LHFPL2: variants seen among roughly 807,000 people sequenced by gnomAD.
The protein encoded by LHFPL2 is LHFPL tetraspan subfamily member 2 protein.
In LHFPL2, 7 loss-of-function variants were observed where a neutral mutation model predicts 17.5. The ratio of observed to expected loss-of-function variants is 0.40; its 90% confidence interval spans 0.23 to 0.75. The LOEUF (loss-of-function observed/expected upper bound fraction) is 0.75. Among genes scored for constraint, LHFPL2 ranks in the 30% least tolerant of loss-of-function variants. LHFPL2 has a pLI of 0.37. For missense variants in LHFPL2, 241 were observed against 294.8 expected (o/e 0.82, Z 1.34); for synonymous variants, 134 against 116.2 (o/e 1.15, Z -0.99).
intron 4 of LHFPL2, among the ~76,000 whole-genome samples, chr5:78,495,655 A>T (rs896803771): frequency 2.0e-5 from 3 of 152,172 alleles, no homozygotes; most frequent in African/African-American, 7.2e-5. Context: ...CACCTTTACT[A>T]AGTCGAAATC....
At chr5:78,514,522 G>C (rs149006691) in intron 3 of LHFPL2, among the ~76,000 whole-genome samples, 561 of 152,298 alleles carry the variant, frequency 3.7e-3, no homozygotes, top group Non-Finnish European at 5.3e-3. Flanking sequence ...GTCCTCAGTA[G>C]AGCTGAGCCG....
rs993133298 is a variant in LHFPL2, at chr5:78,524,576, C to T, written c.-185-14178G>A. On this transcript the variant is annotated intron_variant, in intron 3 of 4. Coordinates refer to ENST00000380345, the MANE Select transcript of LHFPL2 (RefSeq NM_005779.3). The stretch of plus-strand genomic sequence containing the variant: ...GGACAAAATGGTGAAACCCCACCTC[C>T]ACTAAAAATACAAAAATTAGCCAGG... Among the ~76,000 whole-genome samples, 3 of 151,906 alleles carry T rather than the reference C, an allele frequency of 2.0e-5. No individual in the cohort carries two copies. The East Asian group carries it at 5.8e-4, about 29-fold the overall frequency.
At chr5:78,577,763 C>G (rs907111897) in intron 2 of LHFPL2, among the ~76,000 whole-genome samples, 1 of 151,040 alleles carries the variant, frequency 6.6e-6, no homozygotes, top group East Asian at 1.9e-4. Context: ...ACTTTCTAAA[C>G]GAGAAAAAGA....
chr5:78,537,895 T>C (rs1755997793), intron 3 of LHFPL2, among the ~76,000 whole-genome samples: 1 of 152,224 alleles, frequency 6.6e-6, no homozygotes, highest in East Asian at 1.9e-4. Context: ...TTCTGACTTT[T>C]AGGGGAAACC....
At position 78,606,520 on chromosome 5, in the gene LHFPL2, C is replaced by T. The variant is rs572315485; in HGVS notation, c.-245+25744G>A. 2.6e-5 allele frequency among the ~76,000 whole-genome samples: 4 copies of T among 152,268 alleles called. No homozygotes were observed. The South Asian group carries it at 8.3e-4, about 32-fold the overall frequency. On this transcript the variant is annotated intron_variant, in intron 2 of 4. Transcript: ENST00000380345. ...AGTTTATTAAACAGTACCTTAGTGT[C>T]CTCAAAGGGTCATTTCCATACAACT...
In LHFPL2 at chr5:78,485,752, A is replaced by T. The variant is rs1754217285; in HGVS notation, c.*3145T>A. On this transcript the variant is annotated 3_prime_UTR_variant, in exon 5 of 5. Transcript: ENST00000380345. ...ACCAGCTACTAGTTATCCTACTAAG[A>T]GAAAAGGCAACATGGCAGCTTCACA... The T allele has an allele frequency of 6.6e-6, 1 of 152,650 alleles. No homozygotes were observed. The highest frequency in any genetic ancestry group is 2.1e-4 in the South Asian group (1 of 4,834). The allele number at this position is 152,650 out of a possible 1,614,324, so 9.5% of individuals were successfully genotyped here.
At chr5:78,531,310 G>A (rs939071114) in intron 3 of LHFPL2, among the ~76,000 whole-genome samples, 3 of 151,902 alleles carry the variant, frequency 2.0e-5, no homozygotes, top group Non-Finnish European at 4.4e-5. Context: ...AGCTACTGGG[G>A]AGGCTGAGGC....
intron 4 of LHFPL2, 59 bp downstream of exon 4, chr5:78,509,725 G>A: frequency 1.3e-6 from 2 of 1,531,306 alleles, no homozygotes; most frequent in Non-Finnish European, 8.9e-7. Flanking sequence ...ACCAGAGTGC[G>A]CTGCACCGGC....
chr5:78,557,473 A>G (rs1756601502), intron 3 of LHFPL2, among the ~76,000 whole-genome samples: 1 of 152,200 alleles, frequency 6.6e-6, no homozygotes, highest in African/African-American at 2.4e-5. Flanking sequence ...TCGGACTTCA[A>G]CTGAATCACA....
At chr5:78,584,574 G>C (rs953100063) in intron 2 of LHFPL2, among the ~76,000 whole-genome samples, 2 of 152,244 alleles carry the variant, frequency 1.3e-5, no homozygotes, top group African/African-American at 4.8e-5. Context: ...TGCTGGGGGG[G>C]TGCCTCCCAG....
intron 2 of LHFPL2, among the ~76,000 whole-genome samples, chr5:78,613,990 A>G (rs112933075): frequency 0.012 from 1,818 of 152,334 alleles, 37 homozygotes; most frequent in African/African-American, 0.041. Context: ...CCCTAAGCAA[A>G]TGCCACTTCA....
At position 78,509,874 on chromosome 5, in the gene LHFPL2, C is replaced by T. The variant is rs779946134; in HGVS notation, c.340G>A (p.Val114Met). Reference protein sequence around the residue: ...LAVGIFILCMVALVSVFTMCV... With the variant: ...LAVGIFILCMMALVSVFTMCV... ...ATGGTGAAGACGGACACCAAGGCCA[C>T]CATGCAGAGAATAAAGATTCCCACA... The change falls in exon 4 of 5, where the codon GTG becomes ATG. Residue 114 changes from valine (V) to methionine (M), a missense_variant. Coordinates refer to ENST00000380345, the MANE Select transcript of LHFPL2 (RefSeq NM_005779.3). The T allele has an allele frequency of 6.2e-7, 1 of 1,613,848 alleles. No homozygotes were observed. The highest frequency in any genetic ancestry group is 1.1e-5 in the South Asian group (1 of 91,082).
intron 2 of LHFPL2, among the ~76,000 whole-genome samples, chr5:78,612,631 G>A (rs1744459409): frequency 6.6e-6 from 1 of 152,222 alleles, no homozygotes; most frequent in Non-Finnish European, 1.5e-5. Context: ...CTAATAAGCA[G>A]TCAACTACCT....
At chr5:78,585,340 G>A (rs529463986) in intron 2 of LHFPL2, among the ~76,000 whole-genome samples, 11 of 149,170 alleles carry the variant, frequency 7.4e-5, no homozygotes, top group Admixed American at 2.0e-4. Flanking sequence ...TTGGAAAAGC[G>A]CAGTATTCAG....
At chr5:78,513,398 C>T (rs1755194610) in intron 3 of LHFPL2, among the ~76,000 whole-genome samples, 1 of 152,112 alleles carries the variant, frequency 6.6e-6, no homozygotes, top group Non-Finnish European at 1.5e-5. Flanking sequence ...ATTCTCACAC[C>T]CATACAAGAT....
Position 78,488,641 on chromosome 5 carries a change from CTGACAGAACT to C in LHFPL2, c.*246_*255del, listed in dbSNP as rs1445653131. On this transcript the variant is annotated 3_prime_UTR_variant, in exon 5 of 5. Transcript: ENST00000380345. ...TCATTGAACCTGGGGGAGATGGAGT[CTGACAGAACT>C]TGGCAACTCCAGGTCTAGGATTATA... 1.3e-5 allele frequency: 6 copies of C among 479,366 alleles called. No individual in the cohort carries two copies. The highest frequency in any genetic ancestry group is 2.3e-5 in the Non-Finnish European group (6 of 262,812). The allele number at this position is 479,366 out of a possible 1,614,324, so 29.7% of individuals were successfully genotyped here.
At chr5:78,528,712 A>G (rs1022861843) in intron 3 of LHFPL2, among the ~76,000 whole-genome samples, 25 of 152,130 alleles carry the variant, frequency 1.6e-4, no homozygotes, top group Non-Finnish European at 2.6e-4. Flanking sequence ...TAAATGCACC[A>G]CCCCTTAACT....
In LHFPL2 at chr5:78,570,547, T is replaced by C. The variant is rs1431420739; in HGVS notation, c.-244-5676A>G. Among the ~76,000 whole-genome samples, 6 of 151,738 alleles carry C rather than the reference T, an allele frequency of 4.0e-5. No individual in the cohort carries two copies. In the East Asian group the frequency reaches 7.7e-4, roughly 20 times the overall value. On this transcript the variant is annotated intron_variant, in intron 2 of 4. Transcript: ENST00000380345. The stretch of plus-strand genomic sequence containing the variant: ...AGAGTGACAGGGGAGCAAATGTGTA[T>C]AGGCAATTCTGAGAAACCCTCCTCC...
At chr5:78,580,129 TG>T (rs1743056954) in intron 2 of LHFPL2, among the ~76,000 whole-genome samples, 1 of 152,236 alleles carries the variant, frequency 6.6e-6, no homozygotes. Flanking sequence ...ATGTGTTTTT[TG>T]GCTGCATAAA....
Sources: allele counts gnomAD v4.1 joint callset (sites outside exome capture counted in the v4.1 genomes callset), GRCh38; gene constraint gnomAD v4.1.1; transcripts MANE v1.5; gene names NCBI Gene and HGNC (gene_info 2026-07-23, HGNC 2026-07-21).